The following CRISPLD1 variants were observed in gnomAD, a reference collection of about 807,000 sequenced individuals.
CRISPLD1 encodes the protein cysteine-rich secretory protein LCCL domain-containing 1.
CRISPLD1 carries 60 observed loss-of-function variants against 77.5 expected under a neutral mutation model. That is an observed-to-expected ratio of 0.77 (90% CI 0.63 to 0.96). CRISPLD1 has a LOEUF of 0.96. CRISPLD1 is among the 40% of genes least tolerant of loss of function. The pLI is 0.00. For synonymous variants in CRISPLD1, 195 were observed against 200.1 expected (o/e 0.97, Z 0.22); for missense variants, 623 against 615.8 (o/e 1.01, Z -0.12).
chr8:74,986,480 A>G (rs1425152703), intron 2 of CRISPLD1, among the ~76,000 whole-genome samples: 1 of 152,198 alleles, frequency 6.6e-6, no homozygotes, highest in Non-Finnish European at 1.5e-5. Context: ...AAGTGCTGTA[A>G]ATTCTACTCT....
At chr8:74,991,100 C>T (rs1286635087) in intron 2 of CRISPLD1, among the ~76,000 whole-genome samples, 1 of 151,990 alleles carries the variant, frequency 6.6e-6, no homozygotes, top group Non-Finnish European at 1.5e-5. Flanking sequence ...TTAAGCGATT[C>T]TCCTGCCTTA....
chr8:75,008,454 T>A (rs1174638280), intron 2 of CRISPLD1, among the ~76,000 whole-genome samples: 1 of 152,174 alleles, frequency 6.6e-6, no homozygotes, highest in African/African-American at 2.4e-5. Context: ...AATAATATGT[T>A]GTAGCTTTAA....
intron 2 of CRISPLD1, among the ~76,000 whole-genome samples, chr8:74,986,508 T>C (rs1409397588): frequency 2.0e-5 from 3 of 152,178 alleles, no homozygotes; most frequent in African/African-American, 7.2e-5. Flanking sequence ...AAGGTTAATA[T>C]AGTGAAAATG....
At chr8:74,993,211 T>TGCAATTAAGGTTTAATG (rs1460745378) in intron 2 of CRISPLD1, among the ~76,000 whole-genome samples, 9 of 152,348 alleles carry the variant, frequency 5.9e-5, no homozygotes, top group Non-Finnish European at 1.3e-4. Flanking sequence ...AATATTTTAT[T>TGCAATTAAGGTTTAATG]GCAATTAAGG....
At chr8:75,029,171 A>G (rs546040493) in intron 13 of CRISPLD1, among the ~76,000 whole-genome samples, 1 of 152,296 alleles carries the variant, frequency 6.6e-6, no homozygotes, top group South Asian at 2.1e-4. Flanking sequence ...CGTTGCAGTC[A>G]CCTTTAAGGT....
At chr8:75,027,892 T>C (rs1217637871) in intron 13 of CRISPLD1, among the ~76,000 whole-genome samples, 1 of 152,200 alleles carries the variant, frequency 6.6e-6, no homozygotes. Context: ...TTTCATCATA[T>C]ATTAGTTTTT....
Position 75,016,876 on chromosome 8 carries a change from T to C in CRISPLD1, c.869-5T>C. ...TAAGTTATTTAGGTATTTTTTTCTTTGTAGCCCAAATTGTTTCTTGTGAAG... is the reference window on the plus strand; with the variant it reads ...TAAGTTATTTAGGTATTTTTTTCTTCGTAGCCCAAATTGTTTCTTGTGAAG... On this transcript the variant is annotated splice_polypyrimidine_tract_variant and splice_region_variant and intron_variant, in intron 7 of 14. Coordinates refer to ENST00000262207, the MANE Select transcript of CRISPLD1 (RefSeq NM_031461.6). 8 of 1,566,890 alleles carry C rather than the reference T, an allele frequency of 5.1e-6. No individual in the cohort carries two copies. Among genetic ancestry groups the C allele is most frequent in the South Asian group, 2.4e-5 (2 of 83,472 alleles).
intron 2 of CRISPLD1, among the ~76,000 whole-genome samples, chr8:75,005,104 ACAG>A (rs1343496347): frequency 1.3e-5 from 2 of 152,154 alleles, no homozygotes; most frequent in Non-Finnish European, 2.9e-5. Context: ...GGCTTCTCAA[ACAG>A]CAGTTTGAGA....
intron 4 of CRISPLD1, 44 bp from the exon 5 acceptor site, chr8:75,013,943 C>A: frequency 7.7e-7 from 1 of 1,298,748 alleles, no homozygotes; most frequent in Non-Finnish European, 1.1e-6. Context: ...TGTCCTATTT[C>A]ATTTCAGCCT....
At chr8:74,986,561 A>AT (rs1812501943) in intron 2 of CRISPLD1, among the ~76,000 whole-genome samples, 1 of 152,198 alleles carries the variant, frequency 6.6e-6, no homozygotes, top group Admixed American at 6.5e-5. Context: ...TTAGCTGAAA[A>AT]TTTACTTCCT....
At chr8:74,993,030 T>A (rs1048800383) in intron 2 of CRISPLD1, among the ~76,000 whole-genome samples, 2 of 152,086 alleles carry the variant, frequency 1.3e-5, no homozygotes, top group African/African-American at 4.8e-5. Context: ...AAGTGATCTT[T>A]AGCTTGTGAA....
intron 13 of CRISPLD1, chr8:75,026,489 C>G (rs1813238117): frequency 6.6e-6 from 1 of 152,190 alleles, no homozygotes; most frequent in Non-Finnish European, 1.5e-5. Flanking sequence ...AGCTTTGTCT[C>G]TAAGCTGCTG....
At chr8:74,993,507 A>G (rs1394457222) in intron 2 of CRISPLD1, among the ~76,000 whole-genome samples, 1 of 152,240 alleles carries the variant, frequency 6.6e-6, no homozygotes, top group East Asian at 1.9e-4. Context: ...TTTAAGTATC[A>G]TTTTCTACAG....
At chr8:75,019,935 T>C (rs370634066) in intron 11 of CRISPLD1, 22 bp downstream of exon 11, 5 of 1,611,964 alleles carry the variant, frequency 3.1e-6, no homozygotes, top group African/African-American at 2.7e-5. Flanking sequence ...CTTCATCTTA[T>C]TTTCTTAGTA....
intron 2 of CRISPLD1, among the ~76,000 whole-genome samples, chr8:75,001,496 A>G (rs1268129238): frequency 1.3e-5 from 2 of 152,230 alleles, no homozygotes; most frequent in Non-Finnish European, 2.9e-5. Flanking sequence ...ACAAAGTAGT[A>G]TATTTTAAAC....
intron 14 of CRISPLD1, among the ~76,000 whole-genome samples, chr8:75,030,428 G>T (rs1813314221): frequency 6.6e-6 from 1 of 151,964 alleles, no homozygotes. Context: ...TATATAAAAT[G>T]GATCTTTGAG....
chr8:75,019,657 G>A (rs1813098316), intron 10 of CRISPLD1, among the ~76,000 whole-genome samples: 1 of 151,990 alleles, frequency 6.6e-6, no homozygotes, highest in Non-Finnish European at 1.5e-5. Flanking sequence ...AATGAAAAGA[G>A]ATTACCGGAA....
intron 2 of CRISPLD1, among the ~76,000 whole-genome samples, chr8:75,007,017 C>T (rs1441352194): frequency 6.6e-6 from 1 of 152,074 alleles, no homozygotes; most frequent in Non-Finnish European, 1.5e-5. Flanking sequence ...AAAAATAACA[C>T]CTTCCATTTT....
intron 10 of CRISPLD1, 84 bp from the exon 11 acceptor site, chr8:75,019,786 T>A (rs1402811473): frequency 1.0e-5 from 11 of 1,061,674 alleles, no homozygotes; most frequent in Non-Finnish European, 1.6e-5. Flanking sequence ...AATTAAGTGT[T>A]CATAGACTTG....
Sources: allele counts gnomAD v4.1 joint callset (sites outside exome capture counted in the v4.1 genomes callset), GRCh38; gene constraint gnomAD v4.1.1; transcripts MANE v1.5; gene names NCBI Gene and HGNC (gene_info 2026-07-23, HGNC 2026-07-21).